TERF1: variants seen among roughly 807,000 people sequenced by gnomAD.
TERF1 encodes telomeric repeat binding factor 1.
TERF1 carries 20 observed loss-of-function variants against 55.1 expected under a neutral mutation model. The observed-to-expected ratio is 0.36, with a 90% CI of 0.26 to 0.53. TERF1 has a LOEUF of 0.53. Ranked by LOEUF, TERF1 falls within the 20% of genes least tolerant of loss-of-function variation. The pLI is 0.91. For synonymous variants in TERF1, 168 were observed against 181.2 expected, an observed-to-expected ratio of 0.93 and a Z score of 0.59; for missense variants, 439 against 535.7, an observed-to-expected ratio of 0.82 and a Z score of 1.78.
intron 9 of TERF1, among the ~76,000 whole-genome samples, chr8:73,039,635 G>A (rs1809748726): frequency 6.6e-6 from 1 of 152,046 alleles, no homozygotes; most frequent in African/African-American, 2.4e-5. Context: ...TCAATTTAGG[G>A]CTTGATTCAT....
intron 5 of TERF1, among the ~76,000 whole-genome samples, chr8:73,025,792 T>G (rs986899128): frequency 7.4e-6 from 1 of 135,348 alleles, no homozygotes; most frequent in Admixed American, 7.6e-5. Flanking sequence ...CTGGGCATGG[T>G]GGCATACACC....
chr8:73,045,448 A>G (rs2129934103), intron 9 of TERF1, among the ~76,000 whole-genome samples: 1 of 152,368 alleles, frequency 6.6e-6, no homozygotes, highest in Non-Finnish European at 1.5e-5. Context: ...TTCTCCCAGC[A>G]TAAAATTAAA....
chr8:73,022,694 A>G (rs1246284763), intron 4 of TERF1, among the ~76,000 whole-genome samples: 1 of 152,080 alleles, frequency 6.6e-6, no homozygotes, highest in African/African-American at 2.4e-5. Context: ...TGCCTATAAT[A>G]CCAGTACTTT....
intron 9 of TERF1, among the ~76,000 whole-genome samples, chr8:73,043,804 GAAC>G (rs1809927406): frequency 6.6e-6 from 1 of 152,162 alleles, no homozygotes; most frequent in South Asian, 2.1e-4. Context: ...GCTCAGATAA[GAAC>G]AAGAAAACAA....
In TERF1 at chr8:73,027,009, G is replaced by C; in HGVS notation, c.844G>C (p.Asp282His). ...TTCTCAAGATAAACCTAGTGGTAAT[G>C]ATGTTGAAATGGAAACTGAAGCTAA... ...ITSQDKPSGN[D>H]VEMETEANLD... The change falls in exon 6 of 10, where the codon GAT becomes CAT. Residue 282 changes from aspartate (D) to histidine (H), a missense_variant. This residue lies in a region of TERF1 where 140 missense variants were observed against 158.6 expected (regional missense o/e 0.88). Transcript: ENST00000276603. 2 of 1,612,504 alleles carry C rather than the reference G, an allele frequency of 1.2e-6. No individual in the cohort carries two copies. The highest frequency in any genetic ancestry group is 1.7e-6 in the Non-Finnish European group (2 of 1,179,666).
Position 73,009,132 on chromosome 8 carries a change from C to T in TERF1, c.246C>T (p.Leu82=). ...AVAAGWMLDF[L]CLSLCRAFRD... is the part of the protein sequence containing the mutation. ...CTGCCGGCTGGATGCTCGATTTCCT[C>T]TGCCTCTCTCTTTGCCGAGCTTTCC... Residue 82 remains leucine, a synonymous_variant, in exon 1 of 10, where the codon CTC becomes CTT. Transcript: ENST00000276603. 6.2e-7 allele frequency: 1 copy of T among 1,611,254 alleles called. No individual in the cohort carries two copies. The highest frequency in any genetic ancestry group is 1.1e-5 in the South Asian group (1 of 90,968).
rs1242234216 is a variant in TERF1, at chr8:73,037,713, ATATAAT to A, written c.1040-1402_1040-1397del. Among the ~76,000 whole-genome samples the A allele has an allele frequency of 2.5e-3, 218 of 88,352 alleles. 8 individuals are homozygous for A. The highest frequency in any genetic ancestry group is 3.8e-3 in the Non-Finnish European group (190 of 50,214). The allele number at this position is 88,352 out of a possible 152,430, so 58.0% of individuals were successfully genotyped here. A position where few individuals can be genotyped will look rare whatever the true frequency, so the allele number is the denominator to read the frequency against. On this transcript the variant is annotated intron_variant, in intron 8 of 9. Transcript: ENST00000276603. Reference sequence around the variant, plus strand: ...ATTATATAGTATAATATTATATTATATATAATATATATTATATAGTATGAAATATAT... The same window carrying A: ...ATTATATAGTATAATATTATATTATAATATATTATATAGTATGAAATATAT...
At chr8:73,022,342 TTATG>T in intron 4 of TERF1, 40 bp downstream of exon 4, 1 of 1,281,744 alleles carries the variant, frequency 7.8e-7, no homozygotes. Context: ...TTAGAAGTGT[TTATG>T]TAGAGTGAGG....
intron 5 of TERF1, among the ~76,000 whole-genome samples, chr8:73,025,336 A>G (rs1808933965): frequency 6.6e-6 from 1 of 152,164 alleles, no homozygotes; most frequent in Admixed American, 6.5e-5. Context: ...GCCTTTTAAA[A>G]TTTTTCTAGG....
chr8:73,024,507 A>G (rs1412016452), intron 4 of TERF1, among the ~76,000 whole-genome samples: 1 of 152,182 alleles, frequency 6.6e-6, no homozygotes, highest in Non-Finnish European at 1.5e-5. Context: ...GAATACAATC[A>G]GATTATGGTA....
chr8:73,011,669 A>G (rs1808286790), intron 1 of TERF1: 1 of 152,430 alleles, frequency 6.6e-6, no homozygotes, highest in South Asian at 2.1e-4. Flanking sequence ...TTGCACTTCT[A>G]TGTCACAGAG....
At position 73,047,364 on chromosome 8, in the gene TERF1, A is replaced by T. The variant is rs895790036; in HGVS notation, c.*1227A>T. 1 of 152,004 alleles carries T rather than the reference A, an allele frequency of 6.6e-6. No homozygotes were observed. The highest frequency in any genetic ancestry group is 2.4e-5 in the African/African-American group (1 of 41,374). The allele number at this position is 152,004 out of a possible 1,614,324, so 9.4% of individuals were successfully genotyped here. ...TATAACCTGATGCCATAAATACAAG[A>T]TTCTCTGATACCTTCATTTAATATA... On this transcript the variant is annotated 3_prime_UTR_variant, in exon 10 of 10. Transcript: ENST00000276603.
Position 73,030,366 on chromosome 8 carries a change from A to G in TERF1, c.918A>G (p.Glu306=), listed in dbSNP as rs576926318. Residue 306 remains glutamate (E), a synonymous_variant, in exon 7 of 10, where the codon GAA becomes GAG. Coordinates refer to ENST00000276603, the MANE Select transcript of TERF1 (RefSeq NM_017489.3). ...SVSDKQSAVT[E]SSEGTVSLLR... ...GTGACAAACAGTCTGCGGTAACTGA[A>G]TCCTCAGAGGGTACAGTATCCTTAT... 7.9e-6 allele frequency: 12 copies of G among 1,525,978 alleles called. No homozygotes were observed. The African/African-American group carries it at 1.7e-4, about 22-fold the overall frequency. 94.5% of individuals were successfully genotyped at this position (1,525,978 alleles called of 1,614,324 possible). A position where few individuals can be genotyped will look rare whatever the true frequency, so the allele number is the denominator to read the frequency against.
intron 8 of TERF1, among the ~76,000 whole-genome samples, chr8:73,035,024 A>C (rs1809453543): frequency 6.6e-6 from 1 of 152,210 alleles, no homozygotes; most frequent in Non-Finnish European, 1.5e-5. Context: ...ACTTTAAAAT[A>C]TATTTACATT....
chr8:73,032,758 A>G (rs1278605501), intron 8 of TERF1, among the ~76,000 whole-genome samples: 3 of 152,156 alleles, frequency 2.0e-5, no homozygotes, highest in South Asian at 2.1e-4. Flanking sequence ...GTTACGTTTA[A>G]TAAAGTCTGA....
rs1175575821 is a variant in TERF1 at position 73,009,218 on chromosome 8, C to T, written c.319+13C>T. The T allele has an allele frequency of 3.7e-6, 6 of 1,603,164 alleles. No individual in the cohort carries two copies. The highest frequency in any genetic ancestry group is 2.2e-5 in the South Asian group (2 of 90,622). ...AACAGCGCAGAGGGTGAGTGCAGACCGCGTCCGGGCCGGGACTACGCGGGG... is the reference window on the plus strand; with the variant it reads ...AACAGCGCAGAGGGTGAGTGCAGACTGCGTCCGGGCCGGGACTACGCGGGG... On this transcript the variant is annotated intron_variant, in intron 1 of 9. Transcript: ENST00000276603.
At chr8:73,013,702 G>A (rs2129721168) in intron 1 of TERF1, 193 bp from the exon 2 acceptor site, 1 of 544,250 alleles carries the variant, frequency 1.8e-6, no homozygotes, top group Non-Finnish European at 3.3e-6. Context: ...ACATGTGAAA[G>A]TTATATTTTG....
At position 73,032,051 on chromosome 8, in the gene TERF1, G is replaced by A. The variant is rs375126930; in HGVS notation, c.957G>A (p.Lys319=). The change falls in exon 8 of 10, where the codon AAG becomes AAA. Residue 319 remains lysine (K), a synonymous_variant. Transcript: ENST00000276603. ...EGTVSLLRSH[K]NLFLSKLQHG... Reference sequence around the variant, plus strand: ...TCCTGTTTTATTTTAGGTCTCACAAGAATCTTTTCTTATCTAAGTTGCAAC... The same window carrying A: ...TCCTGTTTTATTTTAGGTCTCACAAAAATCTTTTCTTATCTAAGTTGCAAC... 73 of 1,608,828 alleles carry A rather than the reference G, an allele frequency of 4.5e-5. No homozygotes were observed. The highest frequency in any genetic ancestry group is 6.7e-5 in the African/African-American group (5 of 74,580).
intron 2 of TERF1, among the ~76,000 whole-genome samples, chr8:73,016,588 G>A (rs1808515336): frequency 1.3e-5 from 2 of 151,818 alleles, no homozygotes; most frequent in South Asian, 4.2e-4. Flanking sequence ...GCACCATCAG[G>A]CCCAGTTAAT....
Sources: gnomAD v4.1 joint callset for allele counts (sites outside exome capture counted in the v4.1 genomes callset) on GRCh38, gnomAD v4.1.1 for gene constraint, gnomAD v4.1.1 regional missense constraint, MANE v1.5 for transcripts, NCBI Gene and HGNC (gene_info 2026-07-23, HGNC 2026-07-21) for gene names.